ASIC2: variants seen among roughly 807,000 people sequenced by gnomAD.
The protein encoded by ASIC2 is acid sensing ion channel subunit 2.
ASIC2 carries 25 observed loss-of-function variants against 57.3 expected under a neutral mutation model. The ratio of observed to expected loss-of-function variants is 0.44; its 90% CI spans 0.32 to 0.61. The LOEUF (loss-of-function observed/expected upper bound fraction) is 0.61, where lower values mean the gene tolerates loss of function less well. Ranked by LOEUF, ASIC2 falls within the 20% of genes least tolerant of loss-of-function variation. The pLI is 0.06. For synonymous variants in ASIC2, 319 were observed against 307.5 expected, an observed-to-expected ratio of 1.04 and a Z score of -0.39; for missense variants, 641 against 738.1, an observed-to-expected ratio of 0.87 and a Z score of 1.52.
chr17:33,299,370 C>T (rs1486368046), intron 1 of ASIC2, among the ~76,000 whole-genome samples: 1 of 152,166 alleles, frequency 6.6e-6, no homozygotes, highest in South Asian at 2.1e-4. Context: ...GATGGGGACA[C>T]CTGTACTGGT....
chr17:33,415,531 T>TGAGAGA (rs35030035), intron 1 of ASIC2, among the ~76,000 whole-genome samples: 15,981 of 151,508 alleles, frequency 0.11, 899 homozygotes, highest in Middle Eastern at 0.14. Context: ...TGGATTTTTC[T>TGAGAGA]GAGAGAGAGA....
intron 1 of ASIC2, among the ~76,000 whole-genome samples, chr17:34,096,671 G>A (rs1049649886): frequency 7.9e-5 from 12 of 151,806 alleles, no homozygotes; most frequent in African/African-American, 2.2e-4. Context: ...TGGCTAACAC[G>A]GTGAAACCCC....
At chr17:34,130,009 A>G (rs910336129) in intron 1 of ASIC2, among the ~76,000 whole-genome samples, 2 of 152,212 alleles carry the variant, frequency 1.3e-5, no homozygotes, top group African/African-American at 4.8e-5. Flanking sequence ...GGTGAGTCCA[A>G]TTAGAGAACG....
chr17:33,268,685 T>C (rs1027294142), intron 1 of ASIC2, among the ~76,000 whole-genome samples: 6 of 152,106 alleles, frequency 3.9e-5, no homozygotes. Context: ...CACTAACACA[T>C]ATAGAGCACC....
intron 2 of ASIC2, among the ~76,000 whole-genome samples, chr17:33,099,054 G>A (rs972542230): frequency 4.0e-5 from 6 of 151,788 alleles, no homozygotes; most frequent in Non-Finnish European, 2.9e-5. Context: ...GTGCAATGGC[G>A]TGATCTTGGC....
At chr17:33,763,819 G>A (rs1910855043) in intron 1 of ASIC2, among the ~76,000 whole-genome samples, 2 of 152,156 alleles carry the variant, frequency 1.3e-5, no homozygotes, top group Admixed American at 1.3e-4. Context: ...TGTTACTGAA[G>A]CACAGCTTGC....
intron 1 of ASIC2, among the ~76,000 whole-genome samples, chr17:33,757,564 C>T (rs1910645458): frequency 1.3e-5 from 2 of 152,140 alleles, no homozygotes; most frequent in African/African-American, 4.8e-5. Flanking sequence ...CAATTTAAGT[C>T]CAAACAGGAG....
At chr17:33,616,083 C>T (rs1905593451) in intron 1 of ASIC2, among the ~76,000 whole-genome samples, 1 of 152,234 alleles carries the variant, frequency 6.6e-6, no homozygotes, top group Admixed American at 6.5e-5. Context: ...CAGGTCTTGG[C>T]TCTGCTGGGG....
chr17:33,044,382 AT>A (rs1328128532), intron 3 of ASIC2, among the ~76,000 whole-genome samples: 4 of 150,540 alleles, frequency 2.7e-5, no homozygotes, highest in South Asian at 2.1e-4. Flanking sequence ...TTATTTTTTT[AT>A]TTTTTTTGAG....
chr17:33,362,056 C>T (rs988226262), intron 1 of ASIC2, among the ~76,000 whole-genome samples: 1 of 152,200 alleles, frequency 6.6e-6, no homozygotes, highest in African/African-American at 2.4e-5. Flanking sequence ...TCGGGTAGAA[C>T]TAGTTGGGAG....
intron 1 of ASIC2, among the ~76,000 whole-genome samples, chr17:33,805,956 T>C (rs1050665868): frequency 6.6e-6 from 1 of 152,224 alleles, no homozygotes; most frequent in Non-Finnish European, 1.5e-5. Flanking sequence ...ACACATATTA[T>C]AGTTCAAGAG....
chr17:33,551,020 A>AT (rs1345703530), intron 1 of ASIC2, among the ~76,000 whole-genome samples: 2 of 152,092 alleles, frequency 1.3e-5, no homozygotes. Context: ...GATTTCTTTT[A>AT]TTTTTTCTGG....
intron 1 of ASIC2, among the ~76,000 whole-genome samples, chr17:34,061,535 TTGAA>T (rs1282925798): frequency 2.0e-5 from 3 of 152,116 alleles, no homozygotes; most frequent in Non-Finnish European, 4.4e-5. Flanking sequence ...AACACTAACA[TTGAA>T]TGTAAATGGC....
chr17:33,470,332 C>A (rs1395326518), intron 1 of ASIC2, among the ~76,000 whole-genome samples: 1 of 152,128 alleles, frequency 6.6e-6, no homozygotes, highest in Admixed American at 6.6e-5. Flanking sequence ...CCTTTTAGAC[C>A]CTCTGTTTCA....
chr17:33,275,767 G>A (rs1253676923), intron 1 of ASIC2, among the ~76,000 whole-genome samples: 3 of 152,168 alleles, frequency 2.0e-5, no homozygotes, highest in South Asian at 2.1e-4. Context: ...ATCTCTCAGG[G>A]CATCAGTGGT....
chr17:34,034,570 T>C (rs541044232), intron 1 of ASIC2, among the ~76,000 whole-genome samples: 3,365 of 152,302 alleles, frequency 0.022, 67 homozygotes, highest in Middle Eastern at 0.034. Context: ...GGAAGTCAAA[T>C]TGTCCCTGTT....
At chr17:33,113,071 A>C (rs1309505437) in intron 1 of ASIC2, among the ~76,000 whole-genome samples, 1 of 152,150 alleles carries the variant, frequency 6.6e-6, no homozygotes, top group Non-Finnish European at 1.5e-5. Context: ...GCTGGCACAC[A>C]ATAGGGCTCA....
intron 1 of ASIC2, among the ~76,000 whole-genome samples, chr17:33,681,264 A>C (rs1907992453): frequency 6.6e-6 from 1 of 152,200 alleles, no homozygotes; most frequent in Non-Finnish European, 1.5e-5. Flanking sequence ...AGAGTTTCTC[A>C]ACCTCAGCAC....
intron 1 of ASIC2, among the ~76,000 whole-genome samples, chr17:33,946,314 G>C (rs1433691830): frequency 1.3e-5 from 2 of 152,028 alleles, no homozygotes; most frequent in Non-Finnish European, 2.9e-5. Flanking sequence ...ACAGGTTGTT[G>C]GGTCTGGGGG....
Sources: allele counts gnomAD v4.1 joint callset (sites outside exome capture counted in the v4.1 genomes callset), GRCh38; gene constraint gnomAD v4.1.1; transcripts MANE v1.5; gene names NCBI Gene and HGNC (gene_info 2026-07-23, HGNC 2026-07-21).